The following CEP295 variants were observed in gnomAD, a reference collection of about 807,000 sequenced individuals.
CEP295 encodes centrosomal protein 295.
CEP295 carries 190 observed loss-of-function variants against 291.6 expected under a neutral mutation model. The observed-to-expected ratio is 0.65, with a 90% CI of 0.58 to 0.73. The LOEUF (loss-of-function observed/expected upper bound fraction) is 0.73. Ranked by LOEUF, CEP295 falls within the 30% of genes least tolerant of loss-of-function variation. The pLI, the probability that CEP295 is intolerant of heterozygous loss-of-function variation, is 0.00. For synonymous variants in CEP295, 993 were observed against 1,038.8 expected (o/e 0.96, Z 0.85); for missense variants, 2,863 against 2,949.4 (o/e 0.97, Z 0.68).
At chr11:93,694,310 G>A (rs921699113) in intron 12 of CEP295, among the ~76,000 whole-genome samples, 2 of 152,180 alleles carry the variant, frequency 1.3e-5, no homozygotes, top group African/African-American at 4.8e-5. Context: ...AGGACCCCTA[G>A]TGGATGCTTA....
chr11:93,672,604 C>A (rs1187830299), intron 5 of CEP295, among the ~76,000 whole-genome samples: 1 of 151,856 alleles, frequency 6.6e-6, no homozygotes, highest in Non-Finnish European at 1.5e-5. Flanking sequence ...TTCTTCTTTT[C>A]CATTGCTGCA....
intron 5 of CEP295, 60 bp from the exon 6 acceptor site, chr11:93,675,511 G>A (rs1433546752): frequency 3.5e-6 from 3 of 869,304 alleles, no homozygotes; most frequent in Non-Finnish European, 5.1e-6. Context: ...TTTTGCATTG[G>A]ATTCAGCTTT....
chr11:93,723,213 TCACA>T lies in CEP295; in HGVS notation c.6126_6129del (p.His2043PhefsTer4). On this transcript the variant is annotated frameshift_variant, in exon 21 of 30. Transcript: ENST00000325212. LOFTEE classifies it high-confidence loss of function. ...CTGCAGTGGATGAAACTACATGTGG[TCACA>T]CACACTTTCAGCAAATGATAGACAA... 1 of 1,551,594 alleles carries T rather than the reference TCACA, an allele frequency of 6.4e-7. No individual in the cohort carries two copies. The highest frequency in any genetic ancestry group is 8.7e-7 in the Non-Finnish European group (1 of 1,146,742).
chr11:93,711,965 C>A (rs1952934185), intron 18 of CEP295, among the ~76,000 whole-genome samples: 1 of 151,984 alleles, frequency 6.6e-6, no homozygotes, highest in Admixed American at 6.6e-5. Context: ...CTGTTAGGTT[C>A]ATTTGGTCTA....
chr11:93,705,289 C>CAAAGCACAAATATGCAT lies in CEP295; in HGVS notation c.5597-1452_5597-1436dup, dbSNP rs543267185. On this transcript the variant is annotated intron_variant, in intron 17 of 29. Coordinates refer to ENST00000325212, the MANE Select transcript of CEP295 (RefSeq NM_033395.2). ...AAAAAACTTTTACTATTTATATGTACAAAGCACAAATATGCATAAATAGAT... is the reference window on the plus strand; with the variant it reads ...AAAAAACTTTTACTATTTATATGTACAAAGCACAAATATGCATAAAGCACAAATATGCATAAATAGAT... Among the ~76,000 whole-genome samples the CAAAGCACAAATATGCAT allele has an allele frequency of 2.1e-4, 32 of 152,044 alleles. No individual in the cohort carries two copies. The South Asian group carries it at 6.6e-3, about 32-fold the overall frequency.
intron 22 of CEP295, among the ~76,000 whole-genome samples, chr11:93,725,375 A>T (rs1032179257): frequency 1.3e-5 from 2 of 152,204 alleles, no homozygotes; most frequent in African/African-American, 2.4e-5. Flanking sequence ...TTAAACAGTA[A>T]AGTAAATACA....
Position 93,702,490 on chromosome 11 carries a change from A to G in CEP295, c.5305A>G (p.Lys1769Glu). The G allele has an allele frequency of 6.5e-7, 1 of 1,539,688 alleles. No homozygotes were observed. The highest frequency in any genetic ancestry group is 8.7e-7 in the Non-Finnish European group (1 of 1,143,728). ...TAAGCCCACAGTTGAAAATGATTTA[A>G]AAACCCAGAAGATGGGGCAGCTCAG... ...ISKPTVENDL[K>E]TQKMGQLRDW... The change falls in exon 16 of 30, where the codon AAA (lysine) becomes GAA (glutamate). Residue 1769 changes from lysine to glutamate, a missense_variant. Physicochemically the swap from Lys to Glu is moderately conservative, Grantham distance 56 (BLOSUM62 1). Coordinates refer to ENST00000325212, the MANE Select transcript of CEP295 (RefSeq NM_033395.2).
intron 18 of CEP295, among the ~76,000 whole-genome samples, chr11:93,714,975 A>C (rs1953140848): frequency 6.6e-6 from 1 of 152,144 alleles, no homozygotes; most frequent in African/African-American, 2.4e-5. Flanking sequence ...GTCTTGCCCA[A>C]GGCCCACTGT....
At chr11:93,692,500 C>T (rs919153095) in intron 12 of CEP295, among the ~76,000 whole-genome samples, 5 of 152,022 alleles carry the variant, frequency 3.3e-5, no homozygotes, top group African/African-American at 9.7e-5. Flanking sequence ...TTTGCTCCGT[C>T]GCCCAGGCTG....
chr11:93,686,895 G>A (rs1490875226), intron 9 of CEP295, among the ~76,000 whole-genome samples: 2 of 152,088 alleles, frequency 1.3e-5, no homozygotes, highest in African/African-American at 4.8e-5. Context: ...ATATAAGTTA[G>A]ACAAAACTAC....
intron 23 of CEP295, 80 bp from the exon 24 acceptor site, chr11:93,726,896 A>G: frequency 8.9e-7 from 1 of 1,121,398 alleles, no homozygotes; most frequent in Non-Finnish European, 1.2e-6. Flanking sequence ...CAATTGGATG[A>G]TAAACTATTA....
intron 15 of CEP295, among the ~76,000 whole-genome samples, chr11:93,700,600 ATT>A (rs796493911): frequency 7.2e-6 from 1 of 138,810 alleles, no homozygotes; most frequent in African/African-American, 2.6e-5. Context: ...TAAATTTTGT[ATT>A]TTTTTTTTTT....
chr11:93,687,082 G>GT (rs1951280578), intron 9 of CEP295, among the ~76,000 whole-genome samples: 1 of 152,086 alleles, frequency 6.6e-6, no homozygotes, highest in African/African-American at 2.4e-5. Flanking sequence ...TACTTGTGTT[G>GT]TTTTTTTGTT....
chr11:93,668,727 A>G (rs1950299343), intron 3 of CEP295, 81 bp from the exon 4 acceptor site: 2 of 1,057,962 alleles, frequency 1.9e-6, no homozygotes, highest in Admixed American at 6.2e-5. Context: ...GACAAAATTG[A>G]TAAATCACTT....
chr11:93,721,547 A>G (rs371824767), intron 19 of CEP295, 135 bp downstream of exon 19: 8 of 781,742 alleles, frequency 1.0e-5, no homozygotes, highest in South Asian at 2.7e-5. Context: ...AAGTGGATCA[A>G]TGATGAAACT....
intron 5 of CEP295, among the ~76,000 whole-genome samples, chr11:93,672,805 T>C (rs549994187): frequency 7.0e-6 from 1 of 143,350 alleles, no homozygotes; most frequent in Non-Finnish European, 1.5e-5. Context: ...CACTAAAAAC[T>C]TAGGTGCAAT....
intron 17 of CEP295, among the ~76,000 whole-genome samples, chr11:93,705,526 T>G (rs1292741028): frequency 6.6e-6 from 1 of 152,250 alleles, no homozygotes; most frequent in Non-Finnish European, 1.5e-5. Flanking sequence ...TCTTTTGAAC[T>G]TTTGATGATC....
At chr11:93,718,725 T>G (rs1028049759) in intron 18 of CEP295, among the ~76,000 whole-genome samples, 1 of 152,142 alleles carries the variant, frequency 6.6e-6, no homozygotes, top group Admixed American at 6.6e-5. Flanking sequence ...TGCTTAAGAA[T>G]AGAAGAAAAA....
chr11:93,726,756 A>G (rs1311090867), intron 23 of CEP295: 1 of 408,538 alleles, frequency 2.4e-6, no homozygotes, highest in African/African-American at 2.1e-5. Flanking sequence ...TATTGTCCTT[A>G]TTAAATATTA....
Sources: gnomAD v4.1 joint callset for allele counts (sites outside exome capture counted in the v4.1 genomes callset) on GRCh38, gnomAD v4.1.1 for gene constraint, MANE v1.5 for transcripts, NCBI Gene and HGNC (gene_info 2026-07-23, HGNC 2026-07-21) for gene names.